Variants in DDX10 observed in about 807,000 individuals in gnomAD.
The protein encoded by DDX10 is probable ATP-dependent RNA helicase DDX10.
A neutral mutation model predicts 104.3 loss-of-function variants in DDX10; 74 were observed. That is an observed-to-expected ratio of 0.71 (90% CI 0.59 to 0.86). The LOEUF (loss-of-function observed/expected upper bound fraction) is 0.86, where lower values mean the gene tolerates loss of function less well. DDX10 is among the 40% of genes least tolerant of loss of function. DDX10 has a pLI of 0.00. For missense variants in DDX10, 952 were observed against 1,040.0 expected (o/e 0.92, Z 1.16); for synonymous variants, 351 against 353.4 (o/e 0.99, Z 0.08).
chr11:108,833,600 G>T lies in DDX10; in HGVS notation c.1966-4846G>T, dbSNP rs138399259. On this transcript the variant is annotated intron_variant, in intron 13 of 17. Coordinates refer to ENST00000322536, the MANE Select transcript of DDX10 (RefSeq NM_004398.4). ...ATAAAAAGTTTTACTTCTTCAGGGG[G>T]GCAGGACACAGAACTCTTTCAGAAA... 5.8e-3 allele frequency among the ~76,000 whole-genome samples: 879 copies of T among 152,292 alleles called. 10 individuals are homozygous for T. The highest frequency in any genetic ancestry group is 0.014 in the Middle Eastern group (4 of 292).
chr11:108,690,231 G>A (rs2094250318), intron 7 of DDX10: 1 of 152,230 alleles, frequency 6.6e-6, no homozygotes, highest in Non-Finnish European at 1.5e-5. Flanking sequence ...TAGGTGCTAG[G>A]AAATGATTCT....
At chr11:108,878,984 A>G (rs542969062) in intron 16 of DDX10, among the ~76,000 whole-genome samples, 1 of 151,716 alleles carries the variant, frequency 6.6e-6, no homozygotes, top group Non-Finnish European at 1.5e-5. Context: ...CTTTTTTTTT[A>G]CCGTGGAAAT....
At chr11:108,710,813 T>C (rs1016544308) in intron 10 of DDX10, among the ~76,000 whole-genome samples, 5 of 152,256 alleles carry the variant, frequency 3.3e-5, no homozygotes, top group South Asian at 2.1e-4. Flanking sequence ...TATAGTGTTA[T>C]GATGGCTGCG....
chr11:108,922,902 A>G (rs1199022829), intron 17 of DDX10, among the ~76,000 whole-genome samples: 2 of 152,258 alleles, frequency 1.3e-5, no homozygotes, highest in Admixed American at 6.5e-5. Context: ...TACCCGCAGT[A>G]CAGAAGTAGT....
chr11:108,723,545 T>C (rs2094301522), intron 13 of DDX10, 83 bp downstream of exon 13: 1 of 1,382,612 alleles, frequency 7.2e-7, no homozygotes, highest in Non-Finnish European at 9.7e-7. Flanking sequence ...TGAGAGAAAG[T>C]GAAAACTAAG....
At chr11:108,668,199 C>G (rs2134432269) in intron 1 of DDX10, among the ~76,000 whole-genome samples, 1 of 152,264 alleles carries the variant, frequency 6.6e-6, no homozygotes, top group South Asian at 2.1e-4. Context: ...AAATTGTTCC[C>G]ATTATACAGG....
intron 4 of DDX10, among the ~76,000 whole-genome samples, chr11:108,677,724 G>A (rs1198563948): frequency 6.7e-6 from 1 of 148,738 alleles, no homozygotes; most frequent in Non-Finnish European, 1.5e-5. Flanking sequence ...CTATCTGCTA[G>A]AATCTCCACT....
chr11:108,867,253 A>G (rs1234862374), intron 16 of DDX10, among the ~76,000 whole-genome samples: 2 of 152,208 alleles, frequency 1.3e-5, no homozygotes, highest in Non-Finnish European at 1.5e-5. Flanking sequence ...AGCTATATAT[A>G]GTAAGCAGTA....
intron 13 of DDX10, among the ~76,000 whole-genome samples, chr11:108,806,625 G>A (rs1333401994): frequency 6.6e-6 from 1 of 152,172 alleles, no homozygotes; most frequent in African/African-American, 2.4e-5. Flanking sequence ...GCAGTGTGCT[G>A]TAACTAAGAA....
At chr11:108,844,257 GA>G (rs1248753842) in intron 15 of DDX10, among the ~76,000 whole-genome samples, 4 of 151,744 alleles carry the variant, frequency 2.6e-5, no homozygotes, top group Non-Finnish European at 5.9e-5. Flanking sequence ...ATCTTACCTG[GA>G]AAAAAAGCAC....
intron 13 of DDX10, among the ~76,000 whole-genome samples, chr11:108,799,131 T>C (rs776875800): frequency 3.3e-5 from 5 of 152,246 alleles, no homozygotes; most frequent in Admixed American, 2.0e-4. Context: ...TTTTGTGATC[T>C]CAACCATCCA....
chr11:108,927,906 A>T (rs997733906), intron 17 of DDX10, among the ~76,000 whole-genome samples: 2 of 152,152 alleles, frequency 1.3e-5, no homozygotes, highest in African/African-American at 2.4e-5. Flanking sequence ...CCCAAAGTGC[A>T]GGGATTATAG....
intron 13 of DDX10, among the ~76,000 whole-genome samples, chr11:108,774,999 CTG>C (rs2094368016): frequency 2.0e-5 from 3 of 152,296 alleles, no homozygotes; most frequent in Admixed American, 6.5e-5. Flanking sequence ...TCTTACCAGT[CTG>C]TGCACTTGTT....
At chr11:108,921,964 A>G (rs928997506) in intron 17 of DDX10, 2 of 148,526 alleles carry the variant, frequency 1.3e-5, no homozygotes, top group Non-Finnish European at 2.9e-5. Flanking sequence ...AGAGAGAGAG[A>G]GCCGAGCACA....
rs912847715 is a variant in DDX10 at position 108,841,461 on chromosome 11, T to A, written c.2232T>A (p.Ile744=). The change falls in exon 15 of 18, where the codon ATT becomes ATA. Residue 744 remains isoleucine, a synonymous_variant. Coordinates refer to ENST00000322536, the MANE Select transcript of DDX10 (RefSeq NM_004398.4). The part of the protein sequence containing the change: ...KFDKEEYRKK[I]KAKHREKRLK... ...ACAAAGAAGAATATAGGAAAAAAAT[T>A]AAGGCAAAGCATCGGGTAAGCTTTC... The A allele has an allele frequency of 8.7e-6, 14 of 1,613,758 alleles. No individual in the cohort carries two copies. The highest frequency in any genetic ancestry group is 1.2e-5 in the Non-Finnish European group (14 of 1,179,788).
At chr11:108,740,035 T>C (rs1164521511) in intron 13 of DDX10, among the ~76,000 whole-genome samples, 1 of 151,460 alleles carries the variant, frequency 6.6e-6, no homozygotes, top group Non-Finnish European at 1.5e-5. Context: ...ATTTGTTATA[T>C]AGGTAAATTG....
chr11:108,904,808 C>T (rs1391038467), intron 16 of DDX10, among the ~76,000 whole-genome samples: 4 of 151,948 alleles, frequency 2.6e-5, no homozygotes, highest in African/African-American at 9.7e-5. Flanking sequence ...TATGAGCCTA[C>T]TAACTCCATG....
intron 16 of DDX10, among the ~76,000 whole-genome samples, chr11:108,855,024 T>G (rs1862846542): frequency 6.6e-6 from 1 of 152,194 alleles, no homozygotes; most frequent in Non-Finnish European, 1.5e-5. Context: ...AAGCTGAAAC[T>G]GTTACGAAGG....
intron 10 of DDX10, 85 bp downstream of exon 10, chr11:108,706,922 T>C (rs1201581433): frequency 3.7e-6 from 4 of 1,084,584 alleles, no homozygotes; most frequent in African/African-American, 1.6e-5. Flanking sequence ...AATTTGCCCC[T>C]TCCCCTAATT....
Sources: allele counts gnomAD v4.1 joint callset (sites outside exome capture counted in the v4.1 genomes callset), GRCh38; gene constraint gnomAD v4.1.1; transcripts MANE v1.5; gene names NCBI Gene and HGNC (gene_info 2026-07-23, HGNC 2026-07-21).